PSG5: variants seen among roughly 807,000 people sequenced by gnomAD.
PSG5 encodes the protein pregnancy specific beta-1-glycoprotein 5.
Under a neutral mutation model 37.7 loss-of-function variants are expected in PSG5, and 53 were observed. The ratio of observed to expected loss-of-function variants is 1.41; its 90% confidence interval spans 1.13 to 1.77. PSG5 has a LOEUF of 1.77. Among genes scored for constraint, PSG5 ranks in the 40% most tolerant of loss-of-function variants. The pLI, the probability that PSG5 is intolerant of heterozygous loss-of-function variation, is 0.00. For missense variants in PSG5, 547 were observed against 405.2 expected (o/e 1.35, Z -3.00); for synonymous variants, 221 against 155.4 (o/e 1.42, Z -3.14).
intron 2 of PSG5, among the ~76,000 whole-genome samples, chr19:43,183,012 G>A (rs1183955713): frequency 6.6e-6 from 1 of 150,908 alleles, no homozygotes; most frequent in Non-Finnish European, 1.5e-5. Context: ...TAGAGGGAGT[G>A]TCTGGGGAAG....
intron 2 of PSG5, among the ~76,000 whole-genome samples, chr19:43,176,826 A>G (rs1969021828): frequency 6.6e-6 from 1 of 150,732 alleles, no homozygotes; most frequent in African/African-American, 2.5e-5. Flanking sequence ...ATCTAGAAGG[A>G]GTCAAGGGGA....
intron 2 of PSG5, among the ~76,000 whole-genome samples, chr19:43,177,323 ACT>A (rs1020436639): frequency 7.0e-6 from 1 of 141,936 alleles, no homozygotes; most frequent in Non-Finnish European, 1.6e-5. Flanking sequence ...TATGCATAAG[ACT>A]TAGGACAAAA....
intron 2 of PSG5, among the ~76,000 whole-genome samples, chr19:43,176,579 T>C (rs1157217256): frequency 1.3e-5 from 2 of 151,468 alleles, no homozygotes; most frequent in African/African-American, 2.4e-5. Flanking sequence ...CCAAGGACAT[T>C]CTAGAGATGA....
intron 2 of PSG5, among the ~76,000 whole-genome samples, chr19:43,181,833 T>G (rs1484172707): frequency 6.6e-6 from 1 of 151,724 alleles, no homozygotes; most frequent in Non-Finnish European, 1.5e-5. Flanking sequence ...GTGACAAATT[T>G]CAAGCTTGTT....
chr19:43,174,074 A>C (rs1211612935), intron 4 of PSG5: 2 of 151,770 alleles, frequency 1.3e-5, no homozygotes, highest in African/African-American at 4.9e-5. Flanking sequence ...AAATGGATGA[A>C]CCTTAAAGAT....
chr19:43,170,136 G>A lies in PSG5; in HGVS notation c.967C>T (p.Pro323Ser), dbSNP rs3207390. 1.4e-5 allele frequency: 22 copies of A among 1,585,252 alleles called. 2 individuals are homozygous for A. Among genetic ancestry groups the A allele is most frequent in the East Asian group, 2.3e-5 (1 of 43,970 alleles). ...AGAGGAAGACGTCCTATTCCTGAAGGAGCTGTCATGGAAAGAAAAGTAAAG... is the reference window on the plus strand; with the variant it reads ...AGAGGAAGACGTCCTATTCCTGAAGAAGCTGTCATGGAAAGAAAAGTAAAG... ...SKSMTVEVSA[P>S]SGIGRLPLLN... Residue 323 changes from proline (P) to serine (S), a missense_variant and splice_region_variant, in exon 5 of 6, where the codon CCT becomes TCT. Pro to Ser is a moderately conservative substitution (Grantham distance 74, BLOSUM62 -1). Coordinates refer to ENST00000342951, the MANE Select transcript of PSG5 (RefSeq NM_002781.4).
Position 43,168,191 on chromosome 19 carries a change from T to C in PSG5, c.*53A>G, listed in dbSNP as rs1381683998. ...TGATTGTAAGTAGTTTGAGGAAGAATCAAAGCAACTGTCTGGGAAAGACAA... is the reference window on the plus strand; with the variant it reads ...TGATTGTAAGTAGTTTGAGGAAGAACCAAAGCAACTGTCTGGGAAAGACAA... On this transcript the variant is annotated 3_prime_UTR_variant, in exon 6 of 6. Transcript: ENST00000342951. The C allele has an allele frequency of 4.9e-6, 2 of 408,480 alleles. No homozygotes were observed. Among genetic ancestry groups the C allele is most frequent in the Non-Finnish European group, 9.0e-6 (2 of 222,342 alleles). The allele number at this position is 408,480 out of a possible 1,614,324, so 25.3% of individuals were successfully genotyped here. A position where few individuals can be genotyped will look rare whatever the true frequency, so the allele number is the denominator to read the frequency against.
intron 1 of PSG5, among the ~76,000 whole-genome samples, chr19:43,186,040 T>A (rs12104225): frequency 0.17 from 25,569 of 150,758 alleles, 2,981 homozygotes; most frequent in East Asian, 0.37. Flanking sequence ...GCAGTGGTGC[T>A]ATCTCGGCTC....
chr19:43,169,641 A>C (rs1403537696), intron 5 of PSG5, among the ~76,000 whole-genome samples: 1 of 151,702 alleles, frequency 6.6e-6, no homozygotes, highest in Non-Finnish European at 1.5e-5. Flanking sequence ...TGAATTAACT[A>C]GATTTTAGAA....
In PSG5 at chr19:43,184,925, G is replaced by C. The variant is rs548780857; in HGVS notation, c.287C>G (p.Thr96Ser). Residue 96 changes from threonine to serine, a missense_variant, in exon 2 of 6, where the codon ACT (threonine) becomes AGT (serine). Thr to Ser is a moderately conservative substitution (Grantham distance 58). Coordinates refer to ENST00000342951, the MANE Select transcript of PSG5 (RefSeq NM_002781.4). The stretch of plus-strand genomic sequence containing the variant: ...ATTGGAATATACTGTTTCTCGTCCA[G>C]TGTATGCAGGCCCATATATATTTAT... The part of the protein sequence containing the change: ...GQINIYGPAY[T>S]GRETVYSNAS... 1.8e-4 allele frequency: 296 copies of C among 1,612,586 alleles called. 9 individuals are homozygous for C. In the African/African-American group the frequency reaches 3.2e-3, roughly 18 times the overall value.
rs1568377780 is a variant in PSG5 at position 43,186,297 on chromosome 19, CTCT to C, written c.64+42_64+44del. 2.5e-6 allele frequency: 4 copies of C among 1,610,490 alleles called. 1 individual carries two copies. The highest frequency in any genetic ancestry group is 3.4e-6 in the Non-Finnish European group (4 of 1,177,614). On this transcript the variant is annotated intron_variant, in intron 1 of 5. Transcript: ENST00000342951. ...CTCTCCAGGAGACCCAATCCAGTCA[CTCT>C]TCTTCCTCCTCCTGTCCTCTCCCAG...
At position 43,186,362 on chromosome 19, in the gene PSG5, C is replaced by G. The variant is rs775292348; in HGVS notation, c.44G>C (p.Trp15Ser). The G allele has an allele frequency of 1.2e-6, 2 of 1,612,366 alleles. No homozygotes were observed. The highest frequency in any genetic ancestry group is 2.2e-5 in the South Asian group (2 of 91,032). ...SAPPCTQHIT[W>S]KGLLLTASLL... ...CTCACCTGTGAGCAGGAGCCCCTTC[C>G]AGGTGATGTGCTGTGTGCAGGGAGG... Residue 15 changes from tryptophan (W) to serine (S), a missense_variant, in exon 1 of 6, where the codon TGG becomes TCG. Coordinates refer to ENST00000342951, the MANE Select transcript of PSG5 (RefSeq NM_002781.4).
rs904999124 is a variant in PSG5 at position 43,168,089 on chromosome 19, G to C, written c.*155C>G. ...CAGTGGTATGATCTTGAAGTTATCA[G>C]GAACTTGTATTCAAGAGTCCTTGTC... is the stretch of plus-strand genomic sequence containing the variant. On this transcript the variant is annotated 3_prime_UTR_variant, in exon 6 of 6. Coordinates refer to ENST00000342951, the MANE Select transcript of PSG5 (RefSeq NM_002781.4). 2.9e-5 allele frequency: 13 copies of C among 445,200 alleles called. No homozygotes were observed. In the East Asian group the frequency reaches 4.5e-4, roughly 15 times the overall value. 27.6% of individuals were successfully genotyped at this position (445,200 alleles called of 1,614,324 possible).
At chr19:43,185,239 C>G in intron 1 of PSG5, 92 bp from the exon 2 acceptor site, 1 of 1,426,936 alleles carries the variant, frequency 7.0e-7, no homozygotes, top group Non-Finnish European at 9.5e-7. Flanking sequence ...CTCTTCAATC[C>G]TCAGCCTTGA....
At chr19:43,177,535 T>C (rs1385927914) in intron 2 of PSG5, among the ~76,000 whole-genome samples, 1 of 151,154 alleles carries the variant, frequency 6.6e-6, no homozygotes, top group South Asian at 2.1e-4. Flanking sequence ...ACCACGTTTC[T>C]ACCATGGTGA....
At chr19:43,179,632 G>A (rs1208445991) in intron 2 of PSG5, among the ~76,000 whole-genome samples, 1 of 151,658 alleles carries the variant, frequency 6.6e-6, no homozygotes, top group Non-Finnish European at 1.5e-5. Flanking sequence ...AACCCTTTGG[G>A]TACTGGAAAG....
At chr19:43,174,972 A>C (rs535763313) in intron 4 of PSG5, 2 of 1,370,012 alleles carry the variant, frequency 1.5e-6, no homozygotes, top group South Asian at 1.5e-5. Flanking sequence ...CATAGGGCTC[A>C]GGGCTGATAA....
At chr19:43,171,058 T>G (rs1256695713) in intron 4 of PSG5, 1 of 151,536 alleles carries the variant, frequency 6.6e-6, no homozygotes, top group Non-Finnish European at 1.5e-5. Flanking sequence ...GCTAAATACT[T>G]TACCTGTATC....
At chr19:43,182,487 G>A (rs140004124) in intron 2 of PSG5, among the ~76,000 whole-genome samples, 9 of 151,220 alleles carry the variant, frequency 6.0e-5, no homozygotes, top group East Asian at 1.9e-4. Context: ...AGGCAGATTC[G>A]AGCACAAACA....
Sources: gnomAD v4.1 joint callset for allele counts (sites outside exome capture counted in the v4.1 genomes callset) on GRCh38, gnomAD v4.1.1 for gene constraint, MANE v1.5 for transcripts, NCBI Gene and HGNC (gene_info 2026-07-23, HGNC 2026-07-21) for gene names.